The following ABLIM2 variants were observed in gnomAD, a reference collection of about 807,000 sequenced individuals.
ABLIM2 encodes actin-binding LIM protein 2.
Under a neutral mutation model 97.7 loss-of-function variants are expected in ABLIM2, and 53 were observed. That is an observed-to-expected ratio of 0.54 (90% CI 0.44 to 0.68). The LOEUF (loss-of-function observed/expected upper bound fraction) is 0.68. Among genes scored for constraint, ABLIM2 ranks in the 30% least tolerant of loss-of-function variants. The pLI, the probability that ABLIM2 is intolerant of heterozygous loss-of-function variation, is 0.00. For missense variants in ABLIM2, 835 were observed against 867.2 expected, an observed-to-expected ratio of 0.96 and a Z score of 0.47; for synonymous variants, 361 against 345.8, an observed-to-expected ratio of 1.04 and a Z score of -0.49.
At chr4:8,035,173 G>A (rs2151413916) in intron 10 of ABLIM2, among the ~76,000 whole-genome samples, 1 of 151,894 alleles carries the variant, frequency 6.6e-6, no homozygotes, top group East Asian at 1.9e-4. Context: ...ATTGTCAGTG[G>A]GGCTTGTCAC....
intron 5 of ABLIM2, among the ~76,000 whole-genome samples, chr4:8,078,501 C>T (rs746191411): frequency 1.3e-5 from 2 of 152,242 alleles, no homozygotes; most frequent in Non-Finnish European, 2.9e-5. Flanking sequence ...ATCCCTGGCA[C>T]AGCTCCTGAG....
chr4:8,022,958 C>A lies in ABLIM2; in HGVS notation c.1268-2655G>T. On this transcript the variant is annotated intron_variant, in intron 12 of 20. Coordinates refer to ENST00000447017, the MANE Select transcript of ABLIM2 (RefSeq NM_001130083.2). This position sits in a 1 kb window ranked among gnomAD's most constrained non-coding sequence, Gnocchi z 7.8. ...CCTCCTCCTCCTCCTCTTCTTTTTCCTCTTCCTCCTCTGCCTCCTCTTCCT... is the reference window on the plus strand; with the variant it reads ...CCTCCTCCTCCTCCTCTTCTTTTTCATCTTCCTCCTCTGCCTCCTCTTCCT... 1 of 153,660 alleles carries A rather than the reference C, an allele frequency of 6.5e-6. No individual in the cohort carries two copies. Among genetic ancestry groups the A allele is most frequent in the East Asian group, 1.8e-4 (1 of 5,420 alleles). The allele number at this position is 153,660 out of a possible 1,614,324, so 9.5% of individuals were successfully genotyped here. A position where few individuals can be genotyped will look rare whatever the true frequency, so the allele number is the denominator to read the frequency against.
intron 1 of ABLIM2, among the ~76,000 whole-genome samples, chr4:8,142,041 C>T (rs937911997): frequency 2.0e-5 from 3 of 152,190 alleles, no homozygotes; most frequent in African/African-American, 7.2e-5. Context: ...GACCAGCCCA[C>T]CTCCCTCCAG....
rs547381830 is a variant in ABLIM2 at position 8,004,999 on chromosome 4, C to A, written c.1618+3060G>T. On this transcript the variant is annotated intron_variant, in intron 16 of 20. Transcript: ENST00000447017. This position sits in a 1 kb window ranked among gnomAD's most constrained non-coding sequence, Gnocchi z 5.9. ...GGAACAGGGACTGGGCCATGCTCAC[C>A]ACTGCCTAGCACCATGTCCAGCACA... 6.6e-6 allele frequency among the ~76,000 whole-genome samples: 1 copy of A among 152,216 alleles called. No individual in the cohort carries two copies. The highest frequency in any genetic ancestry group is 1.5e-5 in the Non-Finnish European group (1 of 68,046).
chr4:8,027,951 T>G lies in ABLIM2; in HGVS notation c.1169-94A>C. ...ATCCCCACTCTGCTACGAACACTGTTGCTTCCTCTCTTGAGGAATGCACAA... is the reference window on the plus strand; with the variant it reads ...ATCCCCACTCTGCTACGAACACTGTGGCTTCCTCTCTTGAGGAATGCACAA... On this transcript the variant is annotated intron_variant, in intron 11 of 20. Coordinates refer to ENST00000447017, the MANE Select transcript of ABLIM2 (RefSeq NM_001130083.2). The G allele has an allele frequency of 6.6e-6, 6 of 915,962 alleles. No individual in the cohort carries two copies. In the South Asian group the frequency reaches 1.3e-4, roughly 20 times the overall value. 56.7% of individuals were successfully genotyped at this position (915,962 alleles called of 1,614,324 possible).
rs1443631078 is a variant in ABLIM2, at chr4:8,075,217, T to C, written c.675+2411A>G. 6.6e-6 allele frequency among the ~76,000 whole-genome samples: 1 copy of C among 151,550 alleles called. No individual in the cohort carries two copies. The highest frequency in any genetic ancestry group is 1.5e-5 in the Non-Finnish European group (1 of 67,962). The stretch of plus-strand genomic sequence containing the variant: ...ACTACATATTTCATGATTCCATTCA[T>C]ATGAAACGTCCAGAAGAGAAGTCTA... On this transcript the variant is annotated intron_variant, in intron 6 of 20. Coordinates refer to ENST00000447017, the MANE Select transcript of ABLIM2 (RefSeq NM_001130083.2). The surrounding 1 kb of genome is among the most constrained non-coding windows in gnomAD (Gnocchi z 4.4).
chr4:8,137,617 G>A (rs1050928937), intron 1 of ABLIM2, among the ~76,000 whole-genome samples: 1 of 152,248 alleles, frequency 6.6e-6, no homozygotes, highest in Non-Finnish European at 1.5e-5. Context: ...GTTGGCGAGA[G>A]GCAGCCACGT....
Position 8,048,789 on chromosome 4 carries a change from C to T in ABLIM2, c.823-3548G>A, listed in dbSNP as rs764746414. The stretch of plus-strand genomic sequence containing the variant: ...ACCCACCTTGGAAACCCACAACCTA[C>T]AGGACCAGCCCGGCCAGTCCAGGCT... On this transcript the variant is annotated intron_variant, in intron 8 of 20. Transcript: ENST00000447017. Among the ~76,000 whole-genome samples the T allele has an allele frequency of 6.6e-5, 10 of 152,302 alleles. No homozygotes were observed. The East Asian group carries it at 1.9e-3, about 29-fold the overall frequency.
rs867607417 is a variant in ABLIM2 at position 8,140,037 on chromosome 4, G to A, written c.10+18643C>T. Among the ~76,000 whole-genome samples the A allele has an allele frequency of 6.8e-6, 1 of 148,106 alleles. No homozygotes were observed. Among genetic ancestry groups the A allele is most frequent in the Admixed American group, 6.9e-5 (1 of 14,468 alleles). On this transcript the variant is annotated intron_variant, in intron 1 of 20. Transcript: ENST00000447017. The surrounding 1 kb of genome is among the most constrained non-coding windows in gnomAD (Gnocchi z 5.9). ...AAACACTACATGTTCTCACTTACAAGTGGGAGCTGAACAGTGAGAACACAT... is the reference window on the plus strand; with the variant it reads ...AAACACTACATGTTCTCACTTACAAATGGGAGCTGAACAGTGAGAACACAT...
At chr4:8,151,409 C>T (rs1007182144) in intron 1 of ABLIM2, among the ~76,000 whole-genome samples, 13 of 152,318 alleles carry the variant, frequency 8.5e-5, no homozygotes, top group African/African-American at 2.6e-4. Flanking sequence ...TTCCCACAGA[C>T]GCGAGGGACC....
At chr4:8,041,138 G>A (rs924419250) in intron 9 of ABLIM2, among the ~76,000 whole-genome samples, 5 of 152,220 alleles carry the variant, frequency 3.3e-5, no homozygotes, top group Non-Finnish European at 5.9e-5. Flanking sequence ...AGTGCACCAC[G>A]CTGCAGTTGA....
At chr4:8,073,317 G>T (rs919839863) in intron 6 of ABLIM2, among the ~76,000 whole-genome samples, 3 of 150,674 alleles carry the variant, frequency 2.0e-5, no homozygotes, top group Non-Finnish European at 4.4e-5. Context: ...GCTGAGGTCT[G>T]GCTGCCAACT....
chr4:8,087,827 CAA>C lies in ABLIM2; in HGVS notation c.454+340_454+341del, dbSNP rs1250741185. 6.6e-6 allele frequency among the ~76,000 whole-genome samples: 1 copy of C among 152,050 alleles called. No individual in the cohort carries two copies. The highest frequency in any genetic ancestry group is 1.5e-5 in the Non-Finnish European group (1 of 68,002). On this transcript the variant is annotated intron_variant, in intron 4 of 20. Transcript: ENST00000447017. The surrounding 1 kb of genome is among the most constrained non-coding windows in gnomAD (Gnocchi z 4.6). ...CATGGGGTGGAGGAAACAGCCAGTG[CAA>C]AGACTTGGCGGCACGAGAGCCCCAG... is the stretch of plus-strand genomic sequence containing the variant.
Position 8,125,094 on chromosome 4 carries a change from G to A in ABLIM2, c.11-18457C>T, listed in dbSNP as rs976112094. On this transcript the variant is annotated intron_variant, in intron 1 of 20. Coordinates refer to ENST00000447017, the MANE Select transcript of ABLIM2 (RefSeq NM_001130083.2). The surrounding 1 kb of genome is among the most constrained non-coding windows in gnomAD (Gnocchi z 6.2). ...GTCTTGATAGGATTGAGGGATGAGA[G>A]TTATTCGTATATTCGAGATACAAGT... is the stretch of plus-strand genomic sequence containing the variant. 3.3e-5 allele frequency among the ~76,000 whole-genome samples: 5 copies of A among 152,058 alleles called. No individual in the cohort carries two copies. The highest frequency in any genetic ancestry group is 1.2e-4 in the African/African-American group (5 of 41,392).
chr4:8,062,438 CT>C (rs999245352), intron 6 of ABLIM2, among the ~76,000 whole-genome samples: 366 of 143,350 alleles, frequency 2.6e-3, no homozygotes, highest in Middle Eastern at 3.6e-3. Context: ...GGGTAGCACT[CT>C]TTTTTTTTTT....
rs73796840 is a variant in ABLIM2, at chr4:8,068,821, T to C, written c.676-7767A>G. On this transcript the variant is annotated intron_variant, in intron 6 of 20. Coordinates refer to ENST00000447017, the MANE Select transcript of ABLIM2 (RefSeq NM_001130083.2). This position sits in a 1 kb window ranked among gnomAD's most constrained non-coding sequence, Gnocchi z 4.5. ...CCCAGTTCAGAGCTCTAGTTTCCTT[T>C]CTGAACTTCCAGAACTGAGTCCAGG... Among the ~76,000 whole-genome samples, 483 of 152,368 alleles carry C rather than the reference T, an allele frequency of 3.2e-3. 5 individuals are homozygous for C. The highest frequency in any genetic ancestry group is 0.011 in the African/African-American group (459 of 41,586).
At position 8,036,216 on chromosome 4, in the gene ABLIM2, C is replaced by T. The variant is rs1334003536; in HGVS notation, c.980G>A (p.Arg327His). The T allele has an allele frequency of 7.4e-6, 12 of 1,613,698 alleles. No homozygotes were observed. The highest frequency in any genetic ancestry group is 2.2e-5 in the South Asian group (2 of 91,082). ...GGGTGAGTAGGAGATCATGTCGGGGCGGTCGATGTCATAGATGGCCTTACT... is the reference window on the plus strand; with the variant it reads ...GGGTGAGTAGGAGATCATGTCGGGGTGGTCGATGTCATAGATGGCCTTACT... ...PKSKAIYDID[R>H]PDMISYSPYI... The change falls in exon 10 of 21, where the codon CGC becomes CAC. Residue 327 changes from arginine (R) to histidine (H), a missense_variant. Arg to His is a conservative substitution (Grantham distance 29). Coordinates refer to ENST00000447017, the MANE Select transcript of ABLIM2 (RefSeq NM_001130083.2).
rs1028343913 is a variant in ABLIM2 at position 8,027,916 on chromosome 4, C to T, written c.1169-59G>A. 2.5e-6 allele frequency: 3 copies of T among 1,208,242 alleles called. No homozygotes were observed. In the African/African-American group the frequency reaches 4.7e-5, roughly 19 times the overall value. The allele number at this position is 1,208,242 out of a possible 1,614,324, so 74.8% of individuals were successfully genotyped here. A position where few individuals can be genotyped will look rare whatever the true frequency, so the allele number is the denominator to read the frequency against. On this transcript the variant is annotated intron_variant, in intron 11 of 20. Transcript: ENST00000447017. ...CTGGGCTGGCTGGTGCAACGCCACACATATTCCTCATCCCCACTCTGCTAC... is the reference window on the plus strand; with the variant it reads ...CTGGGCTGGCTGGTGCAACGCCACATATATTCCTCATCCCCACTCTGCTAC...
chr4:8,137,316 A>G (rs2152939525), intron 1 of ABLIM2, among the ~76,000 whole-genome samples: 1 of 152,352 alleles, frequency 6.6e-6, no homozygotes, highest in East Asian at 1.9e-4. Context: ...TCCCTGGTCA[A>G]GGAAGACAGA....
Sources: allele counts gnomAD v4.1 joint callset (sites outside exome capture counted in the v4.1 genomes callset), GRCh38; gene constraint gnomAD v4.1.1; non-coding constraint Gnocchi (gnomAD v3.1); transcripts MANE v1.5; gene names NCBI Gene and HGNC (gene_info 2026-07-23, HGNC 2026-07-21).